GRID2: variants seen among roughly 807,000 people sequenced by gnomAD.
GRID2 encodes glutamate ionotropic receptor delta type subunit 2, also known as glutamate receptor ionotropic, delta-2.
Under a neutral mutation model 114.8 loss-of-function variants are expected in GRID2, and 33 were observed. The ratio of observed to expected loss-of-function variants is 0.29; its 90% confidence interval spans 0.22 to 0.38. GRID2 has a LOEUF of 0.38. Among genes scored for constraint, GRID2 ranks in the 10% least tolerant of loss-of-function variants. The pLI, the probability that GRID2 is intolerant of heterozygous loss-of-function variation, is 1.00. For missense variants in GRID2, 1,184 were observed against 1,257.7 expected (o/e 0.94, Z 0.89); for synonymous variants, 505 against 449.9 (o/e 1.12, Z -1.55).
chr4:93,810,219 G>C (rs1251751621), downstream of GRID2: 1 of 152,012 alleles, frequency 6.6e-6, no homozygotes, highest in Non-Finnish European at 1.5e-5. Context: ...TAAAATCCTT[G>C]GTATTACTGA....
At chr4:93,157,806 T>G (rs7661294) in intron 4 of GRID2, among the ~76,000 whole-genome samples, 1 of 151,434 alleles carries the variant, frequency 6.6e-6, no homozygotes, top group South Asian at 2.1e-4. Context: ...TGTGGCATCA[T>G]AAAGGCTGTA....
In GRID2 at chr4:93,089,483, C is replaced by T. The variant is rs183688435; in HGVS notation, c.529+4204C>T. ...AACCTCAAATAAATCATTTTTTTGT[C>T]GGATTAATGCTTCTGGCCCAGTAAA... is the stretch of plus-strand genomic sequence containing the variant. On this transcript the variant is annotated intron_variant, in intron 3 of 15. Coordinates refer to ENST00000282020, the MANE Select transcript of GRID2 (RefSeq NM_001510.4). 3.4e-4 allele frequency among the ~76,000 whole-genome samples: 52 copies of T among 152,142 alleles called. No homozygotes were observed. The South Asian group carries it at 6.8e-3, about 20-fold the overall frequency.
intron 14 of GRID2, among the ~76,000 whole-genome samples, chr4:93,748,979 C>T (rs551534632): frequency 1.8e-4 from 27 of 150,804 alleles, no homozygotes; most frequent in Non-Finnish European, 3.4e-4. Flanking sequence ...GGTATTCTTC[C>T]ACTACAGTCA....
intron 14 of GRID2, among the ~76,000 whole-genome samples, chr4:93,671,474 G>A (rs2110066920): frequency 6.6e-6 from 1 of 152,086 alleles, no homozygotes; most frequent in Non-Finnish European, 1.5e-5. Flanking sequence ...GGGAGTACCT[G>A]GGTGTGAGCT....
chr4:92,620,775 C>A (rs1049712970), intron 2 of GRID2, among the ~76,000 whole-genome samples: 3 of 150,532 alleles, frequency 2.0e-5, no homozygotes, highest in African/African-American at 7.3e-5. Context: ...TGGAACATCA[C>A]ACACCGGGGA....
chr4:92,375,554 C>T (rs985116673), intron 1 of GRID2, among the ~76,000 whole-genome samples: 1 of 152,086 alleles, frequency 6.6e-6, no homozygotes, highest in Non-Finnish European at 1.5e-5. Flanking sequence ...TTATTCTCAT[C>T]TTAACTATCT....
chr4:92,714,207 T>G (rs909361589), intron 2 of GRID2, among the ~76,000 whole-genome samples: 2 of 152,108 alleles, frequency 1.3e-5, no homozygotes, highest in African/African-American at 4.8e-5. Flanking sequence ...CAAAATCCAG[T>G]GAGGCAGTCA....
chr4:92,801,639 T>C (rs1158336729), intron 2 of GRID2, among the ~76,000 whole-genome samples: 4 of 151,910 alleles, frequency 2.6e-5, no homozygotes, highest in Non-Finnish European at 2.9e-5. Context: ...CGAATACTTA[T>C]TTATAAAATA....
At chr4:93,631,673 T>C (rs1020475156) in intron 14 of GRID2, among the ~76,000 whole-genome samples, 11 of 152,138 alleles carry the variant, frequency 7.2e-5, no homozygotes, top group Non-Finnish European at 1.0e-4. Context: ...CCACAATAAA[T>C]ATACGTGTGC....
intron 8 of GRID2, among the ~76,000 whole-genome samples, chr4:93,393,884 T>A (rs1249387170): frequency 6.6e-6 from 1 of 151,986 alleles, no homozygotes; most frequent in Non-Finnish European, 1.5e-5. Context: ...AATTCCTGTG[T>A]GTGCTTTGGC....
intron 4 of GRID2, among the ~76,000 whole-genome samples, chr4:93,143,508 C>T (rs1735940754): frequency 6.6e-6 from 1 of 152,120 alleles, no homozygotes; most frequent in Non-Finnish European, 1.5e-5. Context: ...TACCATGTTG[C>T]ATGTGCATGT....
At chr4:93,664,383 C>T (rs1414861520) in intron 14 of GRID2, among the ~76,000 whole-genome samples, 1 of 152,178 alleles carries the variant, frequency 6.6e-6, no homozygotes, top group Non-Finnish European at 1.5e-5. Flanking sequence ...AGCAGATGCT[C>T]TGTTATGGTA....
chr4:93,076,639 A>G (rs1729335489), intron 2 of GRID2, among the ~76,000 whole-genome samples: 1 of 135,892 alleles, frequency 7.4e-6, no homozygotes, highest in East Asian at 2.2e-4. Context: ...TTTTTTAATG[A>G]CAGAGTCTCT....
chr4:92,310,801 G>A (rs1725662840), intron 1 of GRID2, among the ~76,000 whole-genome samples: 1 of 151,938 alleles, frequency 6.6e-6, no homozygotes, highest in African/African-American at 2.4e-5. Context: ...TATATTTAAG[G>A]AGGAACAGAA....
chr4:93,478,290 T>G (rs1725511413), intron 11 of GRID2, among the ~76,000 whole-genome samples: 1 of 152,126 alleles, frequency 6.6e-6, no homozygotes. Context: ...TTATGTGTGG[T>G]AACCAGCACC....
In GRID2 at chr4:92,456,865, G is replaced by T. The variant is rs1402458825; in HGVS notation, c.89-133266G>T. Among the ~76,000 whole-genome samples, 8 of 152,064 alleles carry T rather than the reference G, an allele frequency of 5.3e-5. No homozygotes were observed. The East Asian group carries it at 1.5e-3, about 29-fold the overall frequency. On this transcript the variant is annotated intron_variant, in intron 1 of 15. Transcript: ENST00000282020. ...CCTGCTTCCTGTATCCCTTTCTTGT[G>T]TACCTTAGACACACGTGCATTTTTC...
intron 14 of GRID2, among the ~76,000 whole-genome samples, chr4:93,685,662 A>G (rs966636843): frequency 6.6e-6 from 1 of 152,004 alleles, no homozygotes; most frequent in Admixed American, 6.6e-5. Context: ...ATCTCCCTTC[A>G]TGGATTTAGA....
At chr4:92,966,355 G>T (rs1000394802) in intron 2 of GRID2, among the ~76,000 whole-genome samples, 2 of 151,856 alleles carry the variant, frequency 1.3e-5, no homozygotes, top group African/African-American at 4.8e-5. Context: ...GGATAAGGTG[G>T]ACCACAAAAA....
intron 1 of GRID2, among the ~76,000 whole-genome samples, chr4:92,405,109 C>T (rs1027649772): frequency 5.3e-5 from 8 of 152,022 alleles, no homozygotes; most frequent in Admixed American, 3.9e-4. Context: ...GTTGATAGCT[C>T]GAATGTCAGA....
Sources: gnomAD v4.1 joint callset for allele counts (sites outside exome capture counted in the v4.1 genomes callset) on GRCh38, gnomAD v4.1.1 for gene constraint, MANE v1.5 for transcripts, NCBI Gene and HGNC (gene_info 2026-07-23, HGNC 2026-07-21) for gene names.